OR2L13: variants seen among roughly 807,000 people sequenced by gnomAD.
The protein encoded by OR2L13 is olfactory receptor family 2 subfamily L member 13.
In OR2L13, 14 loss-of-function variants were observed where a neutral mutation model predicts 15.3. The observed-to-expected ratio is 0.91, with a 90% CI of 0.60 to 1.43. The LOEUF is 1.43. Ranked by LOEUF, OR2L13 falls within the 40% of genes most tolerant of loss-of-function variation. OR2L13 has a pLI of 0.00. For missense variants in OR2L13, 367 were observed against 387.9 expected (o/e 0.95, Z 0.45); for synonymous variants, 152 against 142.9 (o/e 1.06, Z -0.45).
At chr1:247,954,503 C>G in the OR2L13 span, among the ~76,000 whole-genome samples, 76 of 152,084 alleles carry the variant, frequency 5.0e-4, no homozygotes, top group African/African-American at 1.8e-3. Flanking sequence ...TTCCTAAATC[C>G]CTGGGATCAC....
chr1:247,975,767 C>G, the OR2L13 span: 4 of 395,872 alleles, frequency 1.0e-5, no homozygotes, highest in African/African-American at 6.3e-5. Flanking sequence ...ACAAAAATTA[C>G]TCTAGAAAAT....
the OR2L13 span, chr1:248,022,355 C>T: frequency 6.2e-7 from 1 of 1,614,136 alleles, no homozygotes; most frequent in Non-Finnish European, 8.5e-7. Flanking sequence ...TCCGTATGAG[C>T]AAAAGAATGT....
the OR2L13 span, among the ~76,000 whole-genome samples, chr1:248,073,370 G>GCT: frequency 1.3e-5 from 2 of 151,916 alleles, no homozygotes; most frequent in South Asian, 4.1e-4. Context: ...GTAAGCTATC[G>GCT]CAAGGACAAA....
chr1:247,964,232 A>C, the OR2L13 span, among the ~76,000 whole-genome samples: 1 of 152,082 alleles, frequency 6.6e-6, no homozygotes, highest in East Asian at 1.9e-4. Context: ...ATAATATTTC[A>C]TTGTGTCATC....
the OR2L13 span, among the ~76,000 whole-genome samples, chr1:248,043,947 G>T: frequency 1.3e-5 from 2 of 152,142 alleles, no homozygotes; most frequent in Non-Finnish European, 2.9e-5. Flanking sequence ...AATTAAGAAT[G>T]CCTTTGTTCT....
chr1:248,000,744 C>T, the OR2L13 span, among the ~76,000 whole-genome samples: 3 of 151,536 alleles, frequency 2.0e-5, no homozygotes, highest in East Asian at 1.9e-4. Context: ...TCTGAGAAAC[C>T]GTTTTTCTGT....
the OR2L13 span, chr1:248,003,448 A>C: frequency 6.2e-7 from 1 of 1,609,810 alleles, no homozygotes; most frequent in African/African-American, 1.3e-5. Context: ...TCACGACTTT[A>C]GCCGTTGTAG....
chr1:247,992,217 TTCA>T, the OR2L13 span, among the ~76,000 whole-genome samples: 3 of 135,612 alleles, frequency 2.2e-5, no homozygotes, highest in African/African-American at 8.6e-5. Flanking sequence ...GATGATTTTC[TTCA>T]TAAGATTTTC....
chr1:247,948,861 G>A, the OR2L13 span: 22 of 1,600,848 alleles, frequency 1.4e-5, no homozygotes, highest in Non-Finnish European at 1.9e-5. Flanking sequence ...ATGCTCCATG[G>A]AAAATTACAA....
the OR2L13 span, chr1:248,024,341 G>C: frequency 6.6e-6 from 1 of 152,128 alleles, no homozygotes. Context: ...AAATAAAAAA[G>C]ATGATAGAGT....
the OR2L13 span, chr1:247,949,586 C>T: frequency 3.7e-6 from 6 of 1,614,078 alleles, 1 homozygote. Flanking sequence ...GCAGCACCCA[C>T]CTCACTGTAG....
the OR2L13 span, among the ~76,000 whole-genome samples, chr1:247,958,401 A>T: frequency 6.6e-6 from 1 of 152,172 alleles, no homozygotes; most frequent in Non-Finnish European, 1.5e-5. Flanking sequence ...TGTGGTGCTG[A>T]AAAAAATGTG....
At chr1:248,098,174 C>T (rs1171589515) in intron 1 of OR2L13, among the ~76,000 whole-genome samples, 1 of 152,186 alleles carries the variant, frequency 6.6e-6, no homozygotes, top group African/African-American at 2.4e-5. Context: ...GTAATCACTA[C>T]ATAACATCAC....
At chr1:247,966,517 C>G in the OR2L13 span, 37 of 561,822 alleles carry the variant, frequency 6.6e-5, 1 homozygote, top group Non-Finnish European at 1.1e-4. Context: ...TTTACTTGCC[C>G]TCTTGAATAC....
the OR2L13 span, chr1:248,060,751 C>T: frequency 3.1e-6 from 5 of 1,614,092 alleles, no homozygotes; most frequent in Non-Finnish European, 4.2e-6. Context: ...AAGAATTGGC[C>T]TTTTCCTCTT....
the OR2L13 span, chr1:247,937,323 G>A: frequency 1.3e-5 from 2 of 153,480 alleles, no homozygotes; most frequent in African/African-American, 4.8e-5. Context: ...GAAAGGAAGG[G>A]CTCTGCTCTA....
chr1:247,990,360 T>G, the OR2L13 span: 1 of 1,545,100 alleles, frequency 6.5e-7, no homozygotes. Flanking sequence ...TCTCATTAAT[T>G]TCGTTTTCCT....
the OR2L13 span, among the ~76,000 whole-genome samples, chr1:248,053,202 G>A: frequency 1.3e-5 from 2 of 152,156 alleles, no homozygotes; most frequent in East Asian, 3.9e-4. Context: ...AGAATATGCA[G>A]TATTTAGTTT....
chr1:248,005,833 A>C, the OR2L13 span, among the ~76,000 whole-genome samples: 1 of 152,172 alleles, frequency 6.6e-6, no homozygotes, highest in Non-Finnish European at 1.5e-5. Context: ...GCCTGTGGAT[A>C]TTTGTTTTAC....
Sources: allele counts gnomAD v4.1 joint callset (sites outside exome capture counted in the v4.1 genomes callset), GRCh38; gene constraint gnomAD v4.1.1; transcripts MANE v1.5; gene names NCBI Gene and HGNC (gene_info 2026-07-23, HGNC 2026-07-21).